Variants in MREG observed in about 807,000 individuals in gnomAD.
The protein encoded by MREG is dilute suppressor protein homolog.
A neutral mutation model predicts 28.5 loss-of-function variants in MREG; 31 were observed. The ratio of observed to expected loss-of-function variants is 1.09; its 90% CI spans 0.82 to 1.47. MREG has a LOEUF of 1.47. Among genes scored for constraint, MREG ranks in the 40% most tolerant of loss-of-function variants. MREG has a pLI of 0.00. For missense variants in MREG, 256 were observed against 257.4 expected (o/e 0.99, Z 0.04); for synonymous variants, 106 against 95.2 (o/e 1.11, Z -0.66).
In MREG at chr2:216,013,337, G is replaced by C. The variant is rs981687002; in HGVS notation, c.-10C>G. 4 of 1,516,296 alleles carry C rather than the reference G, an allele frequency of 2.6e-6. No homozygotes were observed. The Admixed American group carries it at 8.6e-5, about 33-fold the overall frequency. The allele number at this position is 1,516,296 out of a possible 1,614,324, so 93.9% of individuals were successfully genotyped here. A position where few individuals can be genotyped will look rare whatever the true frequency, so the allele number is the denominator to read the frequency against. ...AGTCCCTCAGCCCCATGGAGAGCGA[G>C]GGCCCCCACCGGCGCCGGAAGCCTG... On this transcript the variant is annotated 5_prime_UTR_variant, in exon 1 of 5. Transcript: ENST00000263268.
At chr2:215,956,684 G>A (rs1270274974) in intron 2 of MREG, among the ~76,000 whole-genome samples, 1 of 152,096 alleles carries the variant, frequency 6.6e-6, no homozygotes, top group Non-Finnish European at 1.5e-5. Flanking sequence ...GACTACAGGT[G>A]TGCATCACCA....
At chr2:216,001,455 C>T (rs761689993) in intron 1 of MREG, among the ~76,000 whole-genome samples, 5 of 152,178 alleles carry the variant, frequency 3.3e-5, no homozygotes, top group South Asian at 4.1e-4. Context: ...GTATTCTCTG[C>T]GAGCTCCTGG....
At chr2:216,009,528 A>G (rs1694243121) in intron 1 of MREG, among the ~76,000 whole-genome samples, 1 of 152,082 alleles carries the variant, frequency 6.6e-6, no homozygotes, top group South Asian at 2.1e-4. Context: ...TAGATCCTAC[A>G]TGGCAGTAGG....
chr2:215,949,089 A>ACT (rs59210268), intron 2 of MREG, among the ~76,000 whole-genome samples: 3,533 of 131,144 alleles, frequency 0.027, 55 homozygotes, highest in Non-Finnish European at 0.039. Context: ...TACTACTACT[A>ACT]ATAATAATAA....
intron 4 of MREG, 106 bp from the exon 5 acceptor site, chr2:215,945,103 C>T: frequency 8.5e-7 from 1 of 1,173,906 alleles, no homozygotes; most frequent in Non-Finnish European, 1.2e-6. Flanking sequence ...CTGGAAATGA[C>T]AATGAGCAAG....
At chr2:216,019,208 G>A (rs1694487369) in intron 1 of MREG, among the ~76,000 whole-genome samples, 1 of 151,934 alleles carries the variant, frequency 6.6e-6, no homozygotes, top group South Asian at 2.1e-4. Flanking sequence ...TTTGGCTTAA[G>A]TTAACCAGTG....
intron 2 of MREG, among the ~76,000 whole-genome samples, chr2:215,964,486 AAAAGAAAG>A (rs111383315): frequency 6.7e-6 from 1 of 150,360 alleles, no homozygotes; most frequent in Non-Finnish European, 1.5e-5. Flanking sequence ...TGTCTCAAAA[AAAAGAAAG>A]AAAGAAAGAA....
chr2:216,014,485 C>A (rs1389266237), upstream of MREG, among the ~76,000 whole-genome samples: 1 of 151,944 alleles, frequency 6.6e-6, no homozygotes, highest in Admixed American at 6.6e-5. Context: ...CCCGTCTCTA[C>A]TAAAAATACA....
intron 2 of MREG, among the ~76,000 whole-genome samples, chr2:215,957,349 C>T (rs1440607332): frequency 6.6e-6 from 1 of 152,184 alleles, no homozygotes; most frequent in Non-Finnish European, 1.5e-5. Flanking sequence ...TTGGTGCTTC[C>T]TCTGGGTACT....
chr2:215,999,174 T>A (rs908493812), intron 1 of MREG, among the ~76,000 whole-genome samples: 1 of 152,040 alleles, frequency 6.6e-6, no homozygotes, highest in Non-Finnish European at 1.5e-5. Flanking sequence ...GCAAGGAAAA[T>A]GGAGAGACAT....
downstream of MREG, among the ~76,000 whole-genome samples, chr2:215,941,383 G>T (rs1222288509): frequency 6.6e-6 from 1 of 152,144 alleles, no homozygotes; most frequent in East Asian, 1.9e-4. Context: ...ACCTGGAAAA[G>T]AACTCCATTT....
At chr2:216,023,583 G>A (rs77817578) in intron 1 of MREG, among the ~76,000 whole-genome samples, 2,987 of 152,232 alleles carry the variant, frequency 0.02, 85 homozygotes, top group African/African-American at 0.068. Flanking sequence ...CATGGAAAGT[G>A]TATAGGCCAC....
chr2:215,968,480 T>C (rs188778546), intron 2 of MREG, among the ~76,000 whole-genome samples: 8 of 152,262 alleles, frequency 5.3e-5, no homozygotes, highest in African/African-American at 1.9e-4. Context: ...CTTGAAGGGA[T>C]CCTGATGATC....
intron 2 of MREG, among the ~76,000 whole-genome samples, chr2:215,983,720 C>T (rs559404099): frequency 1.3e-5 from 2 of 152,180 alleles, no homozygotes; most frequent in African/African-American, 4.8e-5. Context: ...TAGCTGCTCC[C>T]AGGGGGTTTG....
intron 2 of MREG, among the ~76,000 whole-genome samples, chr2:215,950,313 C>T (rs1439934863): frequency 1.3e-5 from 2 of 152,210 alleles, no homozygotes; most frequent in African/African-American, 2.4e-5. Flanking sequence ...AAACATCCTT[C>T]CCTTCCTGCT....
At chr2:215,997,954 G>A (rs1191155725) in intron 1 of MREG, among the ~76,000 whole-genome samples, 1 of 152,168 alleles carries the variant, frequency 6.6e-6, no homozygotes, top group African/African-American at 2.4e-5. Context: ...AGCTAGGGAG[G>A]GGCTCCAGCC....
chr2:216,030,886 C>A (rs964756063), intron 1 of MREG, among the ~76,000 whole-genome samples: 1 of 149,630 alleles, frequency 6.7e-6, no homozygotes, highest in Non-Finnish European at 1.5e-5. Flanking sequence ...CAATTTATTT[C>A]GGCATTCCAA....
At chr2:215,986,606 T>C (rs1040879007) in intron 2 of MREG, among the ~76,000 whole-genome samples, 1 of 152,218 alleles carries the variant, frequency 6.6e-6, no homozygotes, top group African/African-American at 2.4e-5. Context: ...TCCCTACATG[T>C]TAAGGGCAGG....
chr2:215,966,601 C>CTT lies in MREG; in HGVS notation c.256-19490_256-19489dup, dbSNP rs1052642780. ...GTTCAAGCCTTGTAAAACATTTTCC[C>CTT]TTTTTTTTTTTTTTTTTTGAGATGG... On this transcript the variant is annotated intron_variant, in intron 2 of 4. Transcript: ENST00000263268. Among the ~76,000 whole-genome samples, 609 of 136,654 alleles carry CTT rather than the reference C, an allele frequency of 4.5e-3. 10 individuals carry two copies. The highest frequency in any genetic ancestry group is 0.015 in the African/African-American group (538 of 36,562). 89.7% of individuals were successfully genotyped at this position (136,654 alleles called of 152,430 possible).
Sources: gnomAD v4.1 joint callset for allele counts (sites outside exome capture counted in the v4.1 genomes callset) on GRCh38, gnomAD v4.1.1 for gene constraint, MANE v1.5 for transcripts, NCBI Gene and HGNC (gene_info 2026-07-23, HGNC 2026-07-21) for gene names.